Variants in KBTBD12 observed in about 807,000 individuals in gnomAD.
The protein encoded by KBTBD12 is kelch repeat and BTB domain-containing protein 12.
KBTBD12 carries 53 observed loss-of-function variants against 58.7 expected under a neutral mutation model. The observed-to-expected ratio is 0.90, with a 90% confidence interval of 0.72 to 1.14. KBTBD12 has a LOEUF of 1.14. KBTBD12 is among the 50% of genes most tolerant of loss of function. KBTBD12 has a pLI of 0.00. For missense variants in KBTBD12, 704 were observed against 751.3 expected, an observed-to-expected ratio of 0.94 and a Z score of 0.74; for synonymous variants, 236 against 259.8, an observed-to-expected ratio of 0.91 and a Z score of 0.88.
intron 4 of KBTBD12, among the ~76,000 whole-genome samples, chr3:127,945,605 C>G (rs1009234187): frequency 6.6e-6 from 1 of 151,414 alleles, no homozygotes; most frequent in African/African-American, 2.4e-5. Flanking sequence ...TGAGAAAGGT[C>G]TGTTTAAGTC....
At chr3:127,943,240 A>G (rs1258122877) in intron 4 of KBTBD12, among the ~76,000 whole-genome samples, 3 of 152,092 alleles carry the variant, frequency 2.0e-5, no homozygotes, top group Non-Finnish European at 4.4e-5. Flanking sequence ...TAGTAGTTCT[A>G]TTTCTGTTTT....
At chr3:127,947,257 G>C (rs972272738) in intron 4 of KBTBD12, among the ~76,000 whole-genome samples, 4 of 152,132 alleles carry the variant, frequency 2.6e-5, no homozygotes, top group Non-Finnish European at 5.9e-5. Context: ...TGGTAAGTTA[G>C]AGCAAGGGAC....
At chr3:127,916,626 C>A (rs1011178573) in intron 1 of KBTBD12, among the ~76,000 whole-genome samples, 1 of 150,576 alleles carries the variant, frequency 6.6e-6, no homozygotes. Context: ...GTTGCCATAC[C>A]TTTCATTTTT....
chr3:127,946,352 G>A (rs188552877), intron 4 of KBTBD12, among the ~76,000 whole-genome samples: 2 of 152,094 alleles, frequency 1.3e-5, no homozygotes, highest in African/African-American at 2.4e-5. Context: ...TTGATTGTCC[G>A]TAAATGTCTT....
At chr3:127,973,024 A>G (rs1168819912) in intron 5 of KBTBD12, among the ~76,000 whole-genome samples, 1 of 152,226 alleles carries the variant, frequency 6.6e-6, no homozygotes, top group Non-Finnish European at 1.5e-5. Flanking sequence ...TAATTACAAC[A>G]TGAAAAAATA....
intron 4 of KBTBD12, among the ~76,000 whole-genome samples, chr3:127,935,170 T>C (rs1332991359): frequency 1.3e-5 from 2 of 152,194 alleles, no homozygotes; most frequent in Non-Finnish European, 2.9e-5. Flanking sequence ...TTTTATACCC[T>C]GATAAGCCCA....
rs1939483641 is a variant in KBTBD12, at chr3:127,923,603, T to C, written c.542T>C (p.Ile181Thr). Reference sequence around the variant, plus strand: ...GAAGTGCACCAATTTTTGACACTTATTAAATCAGATGATCTTAACATATCC... The same window carrying C: ...GAAGTGCACCAATTTTTGACACTTACTAAATCAGATGATCTTAACATATCC... The part of the protein sequence containing the change: ...EIEVHQFLTL[I>T]KSDDLNISRE... The change falls in exon 2 of 6, where the codon ATT (isoleucine) becomes ACT (threonine). Residue 181 changes from isoleucine (I) to threonine (T), a missense_variant. Transcript: ENST00000405109. The C allele has an allele frequency of 1.2e-6, 2 of 1,613,680 alleles. No homozygotes were observed. The highest frequency in any genetic ancestry group is 2.2e-5 in the South Asian group (2 of 91,044).
At chr3:127,934,750 G>A (rs1301019554) in intron 4 of KBTBD12, among the ~76,000 whole-genome samples, 4 of 152,098 alleles carry the variant, frequency 2.6e-5, no homozygotes, top group African/African-American at 9.7e-5. Context: ...CTAGGCAGTG[G>A]AATATTATAT....
At chr3:127,975,171 T>A (rs1319162362) in intron 5 of KBTBD12, among the ~76,000 whole-genome samples, 2 of 152,192 alleles carry the variant, frequency 1.3e-5, no homozygotes, top group East Asian at 3.9e-4. Flanking sequence ...TGTGGGCCAC[T>A]GAGGGTCAGT....
intron 5 of KBTBD12, among the ~76,000 whole-genome samples, chr3:127,981,972 TA>T (rs1940881695): frequency 6.6e-6 from 1 of 152,160 alleles, no homozygotes; most frequent in South Asian, 2.1e-4. Flanking sequence ...TTACACACAT[TA>T]TCTTCTTTAA....
intron 5 of KBTBD12, among the ~76,000 whole-genome samples, chr3:127,982,765 C>T (rs978452831): frequency 6.6e-6 from 1 of 152,226 alleles, no homozygotes; most frequent in African/African-American, 2.4e-5. Flanking sequence ...TGTCCCAGCT[C>T]CAGTGCTCTC....
intron 5 of KBTBD12, among the ~76,000 whole-genome samples, chr3:127,969,933 AC>A (rs1940652159): frequency 6.6e-6 from 1 of 152,110 alleles, no homozygotes; most frequent in South Asian, 2.1e-4. Flanking sequence ...AAGCACACAT[AC>A]CAAAAAAAAA....
At chr3:127,957,398 G>A (rs1457924629) in intron 4 of KBTBD12, among the ~76,000 whole-genome samples, 1 of 152,134 alleles carries the variant, frequency 6.6e-6, no homozygotes, top group African/African-American at 2.4e-5. Flanking sequence ...TCTAAGCTGT[G>A]GAATAGGTTT....
intron 4 of KBTBD12, among the ~76,000 whole-genome samples, chr3:127,938,559 A>G (rs998983498): frequency 1.6e-4 from 25 of 152,204 alleles, no homozygotes; most frequent in Non-Finnish European, 3.1e-4. Flanking sequence ...AAAAAGCTAG[A>G]TATTAGATGA....
chr3:127,945,018 C>T (rs796736841), intron 4 of KBTBD12, among the ~76,000 whole-genome samples: 1 of 151,466 alleles, frequency 6.6e-6, no homozygotes, highest in Admixed American at 6.6e-5. Flanking sequence ...GTAGCTGGGA[C>T]CACAGACTCA....
intron 5 of KBTBD12, among the ~76,000 whole-genome samples, chr3:127,969,285 AC>A (rs1206745356): frequency 6.6e-6 from 1 of 152,212 alleles, no homozygotes; most frequent in Non-Finnish European, 1.5e-5. Flanking sequence ...CTTACAATGA[AC>A]AATTAAAAAA....
At chr3:127,978,640 AC>A (rs1318779251) in intron 5 of KBTBD12, among the ~76,000 whole-genome samples, 1 of 151,628 alleles carries the variant, frequency 6.6e-6, no homozygotes, top group African/African-American at 2.4e-5. Context: ...TCTTTACCCC[AC>A]CCCCTTCCCA....
At chr3:127,945,125 G>A (rs1940045115) in intron 4 of KBTBD12, among the ~76,000 whole-genome samples, 1 of 137,118 alleles carries the variant, frequency 7.3e-6, no homozygotes, top group African/African-American at 2.7e-5. Flanking sequence ...GTCTAACACT[G>A]GTTGTTTTCT....
chr3:127,963,350 G>A lies in KBTBD12; in HGVS notation c.1654G>A (p.Gly552Arg), dbSNP rs1342370621. The change falls in exon 5 of 6, where the codon GGG (glycine) becomes AGG (arginine). Residue 552 changes from glycine (G) to arginine (R), a missense_variant. Coordinates refer to ENST00000405109, the MANE Select transcript of KBTBD12 (RefSeq NM_207335.4). ...TTCCACCAATGCAGGGGCAGTGGAT[G>A]GGAAACTCTATGTCTGCGGGGGATT... ...TNSTNAGAVD[G>R]KLYVCGGFHG... 1.2e-6 allele frequency: 2 copies of A among 1,612,036 alleles called. No homozygotes were observed. The highest frequency in any genetic ancestry group is 1.7e-6 in the Non-Finnish European group (2 of 1,179,210).
Sources: gnomAD v4.1 joint callset for allele counts (sites outside exome capture counted in the v4.1 genomes callset) on GRCh38, gnomAD v4.1.1 for gene constraint, MANE v1.5 for transcripts, NCBI Gene and HGNC (gene_info 2026-07-23, HGNC 2026-07-21) for gene names.